Variants in ACER1 observed in about 807,000 individuals in gnomAD.
ACER1 encodes the protein alkaline ceramidase 1.
In ACER1, 28 loss-of-function variants were observed where a neutral mutation model predicts 24.9. The observed-to-expected ratio is 1.13, with a 90% CI of 0.83 to 1.54. The LOEUF is 1.54. Among genes scored for constraint, ACER1 ranks in the 40% most tolerant of loss-of-function variants. ACER1 has a pLI of 0.00. For synonymous variants in ACER1, 132 were observed against 131.4 expected, an observed-to-expected ratio of 1.00 and a Z score of -0.03; for missense variants, 352 against 349.3, an observed-to-expected ratio of 1.01 and a Z score of -0.06.
At chr19:6,314,031 C>T (rs992136130) in intron 1 of ACER1, among the ~76,000 whole-genome samples, 1 of 152,044 alleles carries the variant, frequency 6.6e-6, no homozygotes, top group Non-Finnish European at 1.5e-5. Context: ...CTTTGGGAGG[C>T]TGAGGCAGGT....
the ACER1 span, among the ~76,000 whole-genome samples, chr19:6,359,819 T>G: frequency 6.6e-6 from 1 of 151,984 alleles, no homozygotes; most frequent in African/African-American, 2.4e-5. Context: ...ACCTAGGAGG[T>G]AGGTTATCAT....
At chr19:6,356,481 A>AAAAT in the ACER1 span, among the ~76,000 whole-genome samples, 107 of 143,076 alleles carry the variant, frequency 7.5e-4, 2 homozygotes, top group Non-Finnish European at 1.3e-3. Context: ...AAAAATAAAT[A>AAAAT]AAATAAATAA....
At chr19:6,330,192 G>C (rs1208834607) in intron 1 of ACER1, among the ~76,000 whole-genome samples, 3 of 147,770 alleles carry the variant, frequency 2.0e-5, no homozygotes, top group African/African-American at 7.8e-5. Flanking sequence ...TTTTGAGATG[G>C]AGTCTTGCTC....
At chr19:6,319,021 A>C (rs532700367) in intron 1 of ACER1, among the ~76,000 whole-genome samples, 8 of 152,008 alleles carry the variant, frequency 5.3e-5, no homozygotes, top group African/African-American at 1.9e-4. Flanking sequence ...GATGCGGGCC[A>C]TGCACAAGAT....
the ACER1 span, among the ~76,000 whole-genome samples, chr19:6,354,543 TAA>T: frequency 6.6e-6 from 1 of 152,232 alleles, no homozygotes; most frequent in East Asian, 1.9e-4. Flanking sequence ...GCTCAAATAA[TAA>T]GTTTCATTTT....
At chr19:6,332,080 C>A (rs2091690167) in intron 1 of ACER1, among the ~76,000 whole-genome samples, 1 of 150,702 alleles carries the variant, frequency 6.6e-6, no homozygotes, top group South Asian at 2.1e-4. Context: ...CATTCTCTTG[C>A]CTCAGCCTCC....
intron 1 of ACER1, among the ~76,000 whole-genome samples, chr19:6,318,246 G>C (rs928953796): frequency 1.3e-5 from 2 of 148,378 alleles, no homozygotes; most frequent in Non-Finnish European, 3.0e-5. Context: ...GAGGTGGGCC[G>C]ATCACCTGAA....
the ACER1 span, among the ~76,000 whole-genome samples, chr19:6,339,546 G>T: frequency 6.6e-6 from 1 of 152,164 alleles, no homozygotes; most frequent in Non-Finnish European, 1.5e-5. Context: ...GGTGGTGATG[G>T]CTGCATAGAC....
intron 1 of ACER1, among the ~76,000 whole-genome samples, chr19:6,332,249 G>T (rs1317232161): frequency 6.7e-6 from 1 of 148,874 alleles, no homozygotes; most frequent in African/African-American, 2.5e-5. Context: ...TTACAGGCGT[G>T]AGCCTCCGCG....
intron 1 of ACER1, among the ~76,000 whole-genome samples, chr19:6,332,306 T>C (rs1320612964): frequency 7.2e-6 from 1 of 138,006 alleles, no homozygotes; most frequent in Admixed American, 7.5e-5. Flanking sequence ...GGTCTCCCTC[T>C]GTCACCCAGG....
the ACER1 span, among the ~76,000 whole-genome samples, chr19:6,342,726 T>A: frequency 1.2e-3 from 181 of 151,550 alleles, 1 homozygote; most frequent in African/African-American, 4.2e-3. Flanking sequence ...CTCAAAAAAA[T>A]AAATAAATAA....
the ACER1 span, among the ~76,000 whole-genome samples, chr19:6,359,953 G>C: frequency 6.6e-6 from 1 of 152,034 alleles, no homozygotes; most frequent in Non-Finnish European, 1.5e-5. Context: ...TAGACTTTGG[G>C]GATGAAGCAG....
upstream of ACER1, among the ~76,000 whole-genome samples, chr19:6,334,356 TA>T (rs1219226546): frequency 6.6e-6 from 1 of 151,030 alleles, no homozygotes; most frequent in African/African-American, 2.4e-5. Context: ...CCTTTTTTTT[TA>T]AAATTGAGAT....
intron 3 of ACER1, among the ~76,000 whole-genome samples, chr19:6,310,315 C>T (rs908785308): frequency 1.3e-5 from 2 of 151,112 alleles, no homozygotes; most frequent in African/African-American, 2.4e-5. Flanking sequence ...TCTCAATCTC[C>T]TGACCTCGTG....
upstream of ACER1, among the ~76,000 whole-genome samples, chr19:6,337,779 C>A (rs1253809941): frequency 1.1e-4 from 16 of 145,316 alleles, no homozygotes; most frequent in East Asian, 3.4e-3. Context: ...GGGTTCATGC[C>A]ATTCTCCTGC....
the ACER1 span, among the ~76,000 whole-genome samples, chr19:6,345,147 T>C: frequency 6.6e-6 from 1 of 151,688 alleles, no homozygotes; most frequent in African/African-American, 2.4e-5. Flanking sequence ...CACTGGCCTC[T>C]GCCACCCAAA....
chr19:6,309,955 T>C (rs113804229), intron 3 of ACER1, 121 bp from the exon 4 acceptor site: 1 of 1,301,898 alleles, frequency 7.7e-7, no homozygotes, highest in Non-Finnish European at 1.1e-6. Context: ...GGAGCCCAGA[T>C]AGGCTCAGAA....
intron 1 of ACER1, among the ~76,000 whole-genome samples, chr19:6,327,020 A>G (rs544780145): frequency 3.3e-5 from 5 of 151,720 alleles, no homozygotes; most frequent in African/African-American, 1.2e-4. Context: ...TCAAAACCCA[A>G]CTCCTACATG....
intron 1 of ACER1, among the ~76,000 whole-genome samples, chr19:6,321,508 G>A (rs1009055189): frequency 6.6e-6 from 1 of 152,162 alleles, no homozygotes; most frequent in Non-Finnish European, 1.5e-5. Flanking sequence ...CCCACCGCCT[G>A]GCATCTTGTA....
Sources: allele counts gnomAD v4.1 joint callset (sites outside exome capture counted in the v4.1 genomes callset), GRCh38; gene constraint gnomAD v4.1.1; transcripts MANE v1.5; gene names NCBI Gene and HGNC (gene_info 2026-07-23, HGNC 2026-07-21).